The following EPB41L3 variants were observed in gnomAD, a reference collection of about 807,000 sequenced individuals.
EPB41L3 encodes erythrocyte membrane protein band 4.1 like 3, also known as band 4.1-like protein 3.
A neutral mutation model predicts 127.1 loss-of-function variants in EPB41L3; 57 were observed. That is an observed-to-expected ratio of 0.45 (90% CI 0.36 to 0.56). The LOEUF is 0.56. Ranked by LOEUF, EPB41L3 falls within the 20% of genes least tolerant of loss-of-function variation. The pLI is 0.00. For missense variants in EPB41L3, 1,273 were observed against 1,372.2 expected, an observed-to-expected ratio of 0.93 and a Z score of 1.14; for synonymous variants, 572 against 549.5, an observed-to-expected ratio of 1.04 and a Z score of -0.57.
intron 7 of EPB41L3, 75 bp downstream of exon 7, chr18:5,433,828 T>C (rs766500167): frequency 3.4e-6 from 5 of 1,484,976 alleles, no homozygotes; most frequent in South Asian, 2.3e-5. Flanking sequence ...AAATCAGTAC[T>C]GGGAAGAGGT....
intron 3 of EPB41L3, among the ~76,000 whole-genome samples, chr18:5,604,023 G>A (rs1358417851): frequency 5.2e-5 from 2 of 38,202 alleles, no homozygotes; most frequent in East Asian, 2.8e-3. Flanking sequence ...ACACACACGT[G>A]CACACACACA....
At chr18:5,461,027 AT>A (rs1379077345) in intron 3 of EPB41L3, among the ~76,000 whole-genome samples, 17 of 151,978 alleles carry the variant, frequency 1.1e-4, no homozygotes, top group Middle Eastern at 3.2e-3. Flanking sequence ...GTGGTGTTTT[AT>A]TTTTTTCCCC....
At position 5,484,086 on chromosome 18, in the gene EPB41L3, C is replaced by CAA. The variant is rs57231548; in HGVS notation, c.183+4913_183+4914dup. Among the ~76,000 whole-genome samples the CAA allele has an allele frequency of 1.6e-3, 29 of 18,252 alleles. 1 individual carries two copies. Among genetic ancestry groups the CAA allele is most frequent in the Non-Finnish European group, 2.0e-3 (15 of 7,580 alleles). 12.0% of individuals were successfully genotyped at this position (18,252 alleles called of 152,430 possible). A position where few individuals can be genotyped will look rare whatever the true frequency, so the allele number is the denominator to read the frequency against. ...GCTATAAAACAAGTCCAAACAAACT[C>CAA]AAAAAAAAAAAAAAAAAAAAAAAAA... On this transcript the variant is annotated intron_variant, in intron 2 of 22. Transcript: ENST00000341928.
intron 1 of EPB41L3, among the ~76,000 whole-genome samples, chr18:5,526,528 T>C (rs1235597290): frequency 6.6e-6 from 1 of 152,142 alleles, no homozygotes; most frequent in African/African-American, 2.4e-5. Context: ...AGAGAGACCA[T>C]TCGATTTCAC....
intron 1 of EPB41L3, among the ~76,000 whole-genome samples, chr18:5,520,557 T>TAAAAA (rs11339935): frequency 9.5e-6 from 1 of 105,184 alleles, no homozygotes. Context: ...TTTCCCAAAA[T>TAAAAA]AAAAAAAAAA....
chr18:5,414,688 T>G (rs958460089), intron 13 of EPB41L3, among the ~76,000 whole-genome samples: 7 of 151,114 alleles, frequency 4.6e-5, no homozygotes, highest in Non-Finnish European at 1.0e-4. Flanking sequence ...GGGAGAGGAG[T>G]GGGGAGGGGC....
At chr18:5,508,642 C>T (rs983325935) in intron 1 of EPB41L3, among the ~76,000 whole-genome samples, 1 of 151,802 alleles carries the variant, frequency 6.6e-6, no homozygotes, top group South Asian at 2.1e-4. Flanking sequence ...AGGCAGGCAT[C>T]TGTAATCCCA....
intron 1 of EPB41L3, among the ~76,000 whole-genome samples, chr18:5,619,334 G>C (rs1199296831): frequency 6.6e-6 from 1 of 152,164 alleles, no homozygotes; most frequent in African/African-American, 2.4e-5. Context: ...GAAGTCTAAT[G>C]TATGAAAATG....
chr18:5,486,996 A>T (rs571641374), intron 2 of EPB41L3, among the ~76,000 whole-genome samples: 1 of 152,322 alleles, frequency 6.6e-6, no homozygotes, highest in South Asian at 2.1e-4. Context: ...GAAGAAAGGA[A>T]ATCAATATAT....
intron 9 of EPB41L3, among the ~76,000 whole-genome samples, chr18:5,425,963 C>T (rs1201577811): frequency 1.3e-5 from 2 of 152,144 alleles, no homozygotes; most frequent in African/African-American, 4.8e-5. Context: ...AGTCCACATC[C>T]TGCGTGCCCT....
intron 11 of EPB41L3, among the ~76,000 whole-genome samples, chr18:5,423,136 T>G (rs559467427): frequency 6.6e-6 from 1 of 152,296 alleles, no homozygotes; most frequent in South Asian, 2.1e-4. Context: ...GAAAGCTATT[T>G]TCTTCATTCC....
At chr18:5,617,880 A>G (rs1311823686) in intron 1 of EPB41L3, among the ~76,000 whole-genome samples, 3 of 152,220 alleles carry the variant, frequency 2.0e-5, no homozygotes, top group African/African-American at 7.2e-5. Flanking sequence ...TAGAAGACAG[A>G]TGAGGGATTC....
intron 3 of EPB41L3, among the ~76,000 whole-genome samples, chr18:5,602,347 C>T (rs1279630387): frequency 6.6e-6 from 1 of 152,312 alleles, no homozygotes; most frequent in East Asian, 1.9e-4. Context: ...AAGCTGAGCA[C>T]CTTGTGCCTA....
intron 1 of EPB41L3, among the ~76,000 whole-genome samples, chr18:5,501,017 T>C (rs1180346341): frequency 2.0e-5 from 3 of 152,246 alleles, no homozygotes; most frequent in South Asian, 4.1e-4. Flanking sequence ...CTTTTAGGGA[T>C]CCAGGAAGAC....
intron 8 of EPB41L3, among the ~76,000 whole-genome samples, chr18:5,429,619 T>C (rs1483547719): frequency 2.6e-5 from 4 of 152,164 alleles, no homozygotes; most frequent in African/African-American, 7.2e-5. Context: ...TACTGGTCCA[T>C]CTCTGGGACA....
upstream of EPB41L3, among the ~76,000 whole-genome samples, chr18:5,545,469 C>A (rs924831875): frequency 6.6e-6 from 1 of 152,064 alleles, no homozygotes; most frequent in Non-Finnish European, 1.5e-5. Context: ...TATTTGATTT[C>A]CTTGGCTGGA....
At chr18:5,587,608 A>G (rs1719937) in intron 3 of EPB41L3, among the ~76,000 whole-genome samples, 59,299 of 151,970 alleles carry the variant, frequency 0.39, 12,285 homozygotes, top group Non-Finnish European at 0.47. Flanking sequence ...CAGGGAAGGC[A>G]CACTGGTAGC....
Position 5,396,250 on chromosome 18 carries a change from A to G in EPB41L3, c.2924T>C (p.Val975Ala), listed in dbSNP as rs2073435553. The G allele has an allele frequency of 6.2e-7, 1 of 1,614,104 alleles. No individual in the cohort carries two copies. Among genetic ancestry groups the G allele is most frequent in the Non-Finnish European group, 8.5e-7 (1 of 1,180,040 alleles). Residue 975 changes from valine to alanine, a missense_variant, in exon 19 of 23, where the codon GTG (valine) becomes GCG (alanine). Physicochemically the swap from Val to Ala is moderately conservative, Grantham distance 64 (BLOSUM62 0). Transcript: ENST00000341928. ...GVKLEISTKEVPVVHTETKTI... is the reference protein window; with the variant it reads ...GVKLEISTKEAPVVHTETKTI... ...TTTGGTTTCGGTGTGAACTACTGGC[A>G]CTTCCTTCGTGGAAATTTCTAGCTT...
At chr18:5,513,847 T>C (rs1014593156) in intron 1 of EPB41L3, among the ~76,000 whole-genome samples, 1 of 152,222 alleles carries the variant, frequency 6.6e-6, no homozygotes, top group Non-Finnish European at 1.5e-5. Flanking sequence ...TACAGAATAT[T>C]GTCTCTTATA....
Sources: allele counts gnomAD v4.1 joint callset (sites outside exome capture counted in the v4.1 genomes callset), GRCh38; gene constraint gnomAD v4.1.1; transcripts MANE v1.5; gene names NCBI Gene and HGNC (gene_info 2026-07-23, HGNC 2026-07-21).